Variants in LYST observed in about 807,000 individuals in gnomAD.
The protein encoded by LYST is lysosomal-trafficking regulator.
LYST carries 192 observed loss-of-function variants against 413.6 expected under a neutral mutation model. That is an observed-to-expected ratio of 0.46 (90% CI 0.41 to 0.52). The LOEUF (loss-of-function observed/expected upper bound fraction) is 0.52. Ranked by LOEUF, LYST falls within the 20% of genes least tolerant of loss-of-function variation. The probability of loss-of-function intolerance (pLI) is 0.00; values close to 1 mark genes in which losing one functional copy is unlikely to be tolerated. For synonymous variants in LYST, 1,525 were observed against 1,567.3 expected (o/e 0.97, Z 0.64); for missense variants, 3,815 against 4,499.9 (o/e 0.85, Z 4.35).
Position 235,808,447 on chromosome 1 carries a change from A to G in LYST, c.2363+8T>C. 1 of 1,611,396 alleles carries G rather than the reference A, an allele frequency of 6.2e-7. No individual in the cohort carries two copies. On this transcript the variant is annotated splice_region_variant and intron_variant, in intron 5 of 52. Coordinates refer to ENST00000389793, the MANE Select transcript of LYST (RefSeq NM_000081.4). ...CCCGCCCCCGCCGCCACCCACACACATACAAACCTGGATTTAAGCAGGATA... is the reference window on the plus strand; with the variant it reads ...CCCGCCCCCGCCGCCACCCACACACGTACAAACCTGGATTTAAGCAGGATA...
At chr1:235,860,256 C>G (rs932709406) in intron 1 of LYST, among the ~76,000 whole-genome samples, 2 of 151,964 alleles carry the variant, frequency 1.3e-5, no homozygotes. Flanking sequence ...CCATGTACAC[C>G]CTGCTCTCTC....
intron 44 of LYST, among the ~76,000 whole-genome samples, chr1:235,705,671 C>A (rs547888442): frequency 6.6e-6 from 1 of 152,174 alleles, no homozygotes; most frequent in East Asian, 1.9e-4. Flanking sequence ...TAGGCATTAG[C>A]CACTGTGCCT....
At chr1:235,872,767 T>G (rs1680991519) in intron 1 of LYST, among the ~76,000 whole-genome samples, 2 of 151,704 alleles carry the variant, frequency 1.3e-5, no homozygotes, top group Non-Finnish European at 2.9e-5. Flanking sequence ...ATACAAAAAA[T>G]TAGCCGGGTG....
intron 3 of LYST, chr1:235,829,613 T>C (rs982218017): frequency 2.0e-5 from 3 of 152,240 alleles, no homozygotes; most frequent in Admixed American, 6.5e-5. Flanking sequence ...GAGTACTTAA[T>C]GTTTCTGGAT....
intron 41 of LYST, 61 bp from the exon 42 acceptor site, chr1:235,715,418 G>A: frequency 2.0e-6 from 3 of 1,535,722 alleles, no homozygotes; most frequent in Non-Finnish European, 2.7e-6. Context: ...CGCTAGAAAA[G>A]TGCTGGATGT....
chr1:235,842,893 A>T (rs1453600710), intron 1 of LYST, among the ~76,000 whole-genome samples: 5 of 152,220 alleles, frequency 3.3e-5, no homozygotes, highest in African/African-American at 9.7e-5. Flanking sequence ...GAATTAAGCT[A>T]TCACCCTCAG....
intron 1 of LYST, among the ~76,000 whole-genome samples, chr1:235,861,825 CA>C (rs915060476): frequency 9.9e-5 from 15 of 152,284 alleles, no homozygotes; most frequent in African/African-American, 3.6e-4. Flanking sequence ...CCAAGTTTTA[CA>C]GGGCAAATTC....
intron 34 of LYST, 30 bp from the exon 35 acceptor site, chr1:235,731,207 A>C (rs1248957937): frequency 6.2e-7 from 1 of 1,608,700 alleles, no homozygotes; most frequent in Non-Finnish European, 8.5e-7. Flanking sequence ...AGGGTGTTTT[A>C]AGTGACCATC....
intron 1 of LYST, among the ~76,000 whole-genome samples, chr1:235,857,658 T>G (rs1251662072): frequency 2.1e-5 from 3 of 145,234 alleles, no homozygotes; most frequent in African/African-American, 7.7e-5. Context: ...AAGAGGGGGG[T>G]GTGTCTGTGG....
At chr1:235,756,206 C>T (rs1207295479) in intron 24 of LYST, among the ~76,000 whole-genome samples, 1 of 152,088 alleles carries the variant, frequency 6.6e-6, no homozygotes, top group African/African-American at 2.4e-5. Flanking sequence ...TCTTTCTCCC[C>T]TTCAATGACT....
At chr1:235,768,676 A>T (rs867910202) in intron 20 of LYST, among the ~76,000 whole-genome samples, 1 of 152,128 alleles carries the variant, frequency 6.6e-6, no homozygotes, top group South Asian at 2.1e-4. Context: ...AATATATGGA[A>T]ATCTCAAAGT....
chr1:235,853,268 T>TA (rs1289885210), intron 1 of LYST, among the ~76,000 whole-genome samples: 1 of 152,204 alleles, frequency 6.6e-6, no homozygotes, highest in Non-Finnish European at 1.5e-5. Context: ...CCTTCAGCTC[T>TA]AAAGAGCATC....
intron 4 of LYST, among the ~76,000 whole-genome samples, chr1:235,810,804 A>C (rs1464632615): frequency 6.6e-6 from 1 of 152,186 alleles, no homozygotes; most frequent in Non-Finnish European, 1.5e-5. Flanking sequence ...ACTTACTCTA[A>C]ACACTAGCTG....
chr1:235,805,124 A>G (rs1012907994), intron 6 of LYST, among the ~76,000 whole-genome samples: 1 of 152,234 alleles, frequency 6.6e-6, no homozygotes, highest in Non-Finnish European at 1.5e-5. Context: ...GAGGTCTGCC[A>G]TATTCCAGGT....
rs773341708 is a variant in LYST, at chr1:235,731,180, G to A, written c.8802-3C>T. On this transcript the variant is annotated splice_region_variant and splice_polypyrimidine_tract_variant and intron_variant, in intron 34 of 52. Coordinates refer to ENST00000389793, the MANE Select transcript of LYST (RefSeq NM_000081.4). ...AGATGGGGTCATACCATACTGCTCT[G>A]CAAGTAAAAAGATTAAAGGGTGTTT... is the stretch of plus-strand genomic sequence containing the variant. The A allele has an allele frequency of 6.2e-7, 1 of 1,613,844 alleles. No individual in the cohort carries two copies. The highest frequency in any genetic ancestry group is 8.5e-7 in the Non-Finnish European group (1 of 1,179,818).
intron 38 of LYST, among the ~76,000 whole-genome samples, chr1:235,727,289 T>C (rs1663973434): frequency 6.6e-6 from 1 of 151,900 alleles, no homozygotes; most frequent in Admixed American, 6.6e-5. Flanking sequence ...AACTGGCTAA[T>C]TTTTTTGTAT....
rs150147284 is a variant in LYST, at chr1:235,693,043, T to C, written c.10701+307A>G. On this transcript the variant is annotated intron_variant, in intron 47 of 52. Transcript: ENST00000389793. Reference sequence around the variant, plus strand: ...AATTAAAAAAAAAGTTGGCCAGGTGTGGTGGCTCACACCTGTAATCCCAGC... The same window carrying C: ...AATTAAAAAAAAAGTTGGCCAGGTGCGGTGGCTCACACCTGTAATCCCAGC... Among the ~76,000 whole-genome samples, 1,238 of 147,908 alleles carry C rather than the reference T, an allele frequency of 8.4e-3. 22 individuals are homozygous for C. Among genetic ancestry groups the C allele is most frequent in the African/African-American group, 0.025 (992 of 40,086 alleles).
Position 235,752,070 on chromosome 1 carries a change from C to G in LYST, c.7562G>C (p.Arg2521Thr), listed in dbSNP as rs762395112. The G allele has an allele frequency of 1.4e-4, 228 of 1,610,546 alleles. 3 individuals are homozygous for G. In the South Asian group the frequency reaches 2.4e-3, roughly 17 times the overall value. ...ACSSSGSQYF[R>T]VIEDLIVMLG... ...CATTACAATAAGGTCTTCAATAACC[C>G]TAAAATATTGTGAGCCTGAGGAACT... The change falls in exon 27 of 53, where the codon AGG becomes ACG. Residue 2521 changes from arginine to threonine, a missense_variant. Arg to Thr is a moderately conservative substitution (Grantham distance 71). Coordinates refer to ENST00000389793, the MANE Select transcript of LYST (RefSeq NM_000081.4).
At chr1:235,713,603 G>C (rs942261680) in intron 42 of LYST, among the ~76,000 whole-genome samples, 2 of 152,178 alleles carry the variant, frequency 1.3e-5, no homozygotes, top group Admixed American at 6.5e-5. Flanking sequence ...TCTCACAACT[G>C]GGGGGATGGG....
Sources: allele counts gnomAD v4.1 joint callset (sites outside exome capture counted in the v4.1 genomes callset), GRCh38; gene constraint gnomAD v4.1.1; transcripts MANE v1.5; gene names NCBI Gene and HGNC (gene_info 2026-07-23, HGNC 2026-07-21).